Variants in FAM120A observed in about 807,000 individuals in gnomAD.
The protein encoded by FAM120A is family with sequence similarity 120 member A.
FAM120A carries 15 observed loss-of-function variants against 109.7 expected under a neutral mutation model. The ratio of observed to expected loss-of-function variants is 0.14; its 90% CI spans 0.09 to 0.21. The LOEUF is 0.21. Ranked by LOEUF, FAM120A falls within the 10% of genes least tolerant of loss-of-function variation. The probability of loss-of-function intolerance (pLI) is 1.00; values close to 1 mark genes in which losing one functional copy is unlikely to be tolerated. For synonymous variants in FAM120A, 493 were observed against 572.8 expected, an observed-to-expected ratio of 0.86 and a Z score of 1.99; for missense variants, 899 against 1,439.3, an observed-to-expected ratio of 0.62 and a Z score of 6.07.
rs1358219424 is a variant in FAM120A, at chr9:93,451,809, C to T, written c.-107C>T. ...CGCCCCCGACCCGCCCCAGTCCCCC[C>T]TAGAGGCCGCCGCCCCCGCCCGCCA... is the stretch of plus-strand genomic sequence containing the variant. On this transcript the variant is annotated 5_prime_UTR_variant, in exon 1 of 18. Coordinates refer to ENST00000277165, the MANE Select transcript of FAM120A (RefSeq NM_014612.5). 15 of 973,372 alleles carry T rather than the reference C, an allele frequency of 1.5e-5. 1 individual carries two copies. The African/African-American group carries it at 2.5e-4, about 16-fold the overall frequency. The allele number at this position is 973,372 out of a possible 1,614,324, so 60.3% of individuals were successfully genotyped here. A position where few individuals can be genotyped will look rare whatever the true frequency, so the allele number is the denominator to read the frequency against.
intron 7 of FAM120A, among the ~76,000 whole-genome samples, chr9:93,518,351 A>G (rs557444296): frequency 3.5e-4 from 53 of 152,296 alleles, no homozygotes; most frequent in African/African-American, 1.3e-3. Flanking sequence ...AATTGGTTGT[A>G]TCTGCAGTGT....
intron 2 of FAM120A, among the ~76,000 whole-genome samples, chr9:93,474,310 C>T (rs1858451262): frequency 1.3e-5 from 2 of 152,102 alleles, no homozygotes; most frequent in South Asian, 4.2e-4. Flanking sequence ...GCCTCAGCCT[C>T]CCGAGTAGCT....
intron 13 of FAM120A, among the ~76,000 whole-genome samples, chr9:93,557,159 C>T (rs1484988713): frequency 2.7e-5 from 3 of 110,744 alleles, no homozygotes; most frequent in African/African-American, 3.9e-5. Flanking sequence ...GATGGAGTTT[C>T]GCTCTTGTCG....
chr9:93,564,479 C>G lies in FAM120A; in HGVS notation c.3296C>G (p.Thr1099Arg). 3.1e-6 allele frequency: 5 copies of G among 1,614,080 alleles called. No individual in the cohort carries two copies. The highest frequency in any genetic ancestry group is 4.2e-6 in the Non-Finnish European group (5 of 1,179,922). Residue 1099 changes from threonine (T) to arginine (R), a missense_variant, in exon 18 of 18, where the codon ACA (threonine) becomes AGA (arginine). Transcript: ENST00000277165. ...AATCCTCATTTAAATGCACTAAGTA[C>G]AGACAGCGCTTGCCGCAGAGAAGCT... ...NTNPHLNALSTDSACRREAAL... is the reference protein window; with the variant it reads ...NTNPHLNALSRDSACRREAAL...
chr9:93,471,319 T>G lies in FAM120A; in HGVS notation c.653T>G (p.Leu218Arg). ...AAAAGTCTCACCACAAGCCAATATC[T>G]GATGCATGAAGTTGCCAAGCAACTG... is the stretch of plus-strand genomic sequence containing the variant. ...NGKSLTTSQYLMHEVAKQLDL... is the reference protein window; with the variant it reads ...NGKSLTTSQYRMHEVAKQLDL... The change falls in exon 2 of 18, where the codon CTG becomes CGG. Residue 218 changes from leucine to arginine, a missense_variant. Around this residue, in one of 11 missense-constraint regions of FAM120A, gnomAD observed 258 missense variants for 451.4 expected, o/e 0.57. Coordinates refer to ENST00000277165, the MANE Select transcript of FAM120A (RefSeq NM_014612.5). 1 of 1,614,242 alleles carries G rather than the reference T, an allele frequency of 6.2e-7. No homozygotes were observed. Among genetic ancestry groups the G allele is most frequent in the Non-Finnish European group, 8.5e-7 (1 of 1,180,032 alleles).
intron 8 of FAM120A, among the ~76,000 whole-genome samples, chr9:93,528,854 C>T (rs1260598255): frequency 3.3e-5 from 5 of 150,600 alleles, no homozygotes; most frequent in African/African-American, 1.2e-4. Context: ...GGAGTCAGCC[C>T]TGGATTAGAA....
chr9:93,554,122 C>CACACAG (rs1488586221), intron 12 of FAM120A, among the ~76,000 whole-genome samples: 3 of 92,698 alleles, frequency 3.2e-5, no homozygotes, highest in African/African-American at 1.9e-4. Context: ...CCATTTGATA[C>CACACAG]ACACACACAC....
At chr9:93,480,180 C>T (rs1227351585) in intron 3 of FAM120A, among the ~76,000 whole-genome samples, 1 of 152,150 alleles carries the variant, frequency 6.6e-6, no homozygotes, top group South Asian at 2.1e-4. Context: ...CATTGAATTT[C>T]TTAGGTTTAG....
At chr9:93,488,511 T>A (rs901757658) in intron 3 of FAM120A, among the ~76,000 whole-genome samples, 5 of 152,168 alleles carry the variant, frequency 3.3e-5, no homozygotes, top group Non-Finnish European at 7.3e-5. Context: ...CTGGCAGATC[T>A]GTGCTGAAGT....
Position 93,451,720 on chromosome 9 carries a change from A to G in FAM120A, c.-196A>G. ...CAGCGGCGGCAGCGGCGGCGGCGGCAGGTCCCTCCCCAGACATGGCCCTGG... is the reference window on the plus strand; with the variant it reads ...CAGCGGCGGCAGCGGCGGCGGCGGCGGGTCCCTCCCCAGACATGGCCCTGG... On this transcript the variant is annotated 5_prime_UTR_variant, in exon 1 of 18. Coordinates refer to ENST00000277165, the MANE Select transcript of FAM120A (RefSeq NM_014612.5). 1 of 973,170 alleles carries G rather than the reference A, an allele frequency of 1.0e-6. No homozygotes were observed. The highest frequency in any genetic ancestry group is 1.2e-6 in the Non-Finnish European group (1 of 829,288). The allele number at this position is 973,170 out of a possible 1,614,324, so 60.3% of individuals were successfully genotyped here.
At chr9:93,484,821 G>T (rs1051089227) in intron 3 of FAM120A, among the ~76,000 whole-genome samples, 1 of 152,156 alleles carries the variant, frequency 6.6e-6, no homozygotes, top group Non-Finnish European at 1.5e-5. Context: ...TGATCCACCC[G>T]CCTCGGCCTC....
intron 5 of FAM120A, among the ~76,000 whole-genome samples, chr9:93,504,237 G>A (rs1257833379): frequency 6.6e-6 from 1 of 152,160 alleles, no homozygotes; most frequent in Non-Finnish European, 1.5e-5. Flanking sequence ...CACAGAAAGC[G>A]GGGAGAGTGG....
chr9:93,564,120 A>AT, intron 17 of FAM120A, 109 bp from the exon 18 acceptor site: 1 of 1,125,422 alleles, frequency 8.9e-7, no homozygotes, highest in East Asian at 2.4e-5. Context: ...CCAGCTGGGC[A>AT]TTTTCTGCTC....
chr9:93,471,765 G>A (rs985547717), intron 2 of FAM120A, among the ~76,000 whole-genome samples: 14 of 152,122 alleles, frequency 9.2e-5, no homozygotes, highest in African/African-American at 3.4e-4. Flanking sequence ...ATGCTATGGG[G>A]TTAGAATGGT....
intron 8 of FAM120A, among the ~76,000 whole-genome samples, chr9:93,528,941 TGTAGAG>T (rs1172188726): frequency 6.6e-6 from 1 of 152,134 alleles, no homozygotes; most frequent in Non-Finnish European, 1.5e-5. Flanking sequence ...TTCCTGTTTG[TGTAGAG>T]ATCTTAGGCA....
At chr9:93,465,725 G>A (rs1349694118) in intron 1 of FAM120A, among the ~76,000 whole-genome samples, 3 of 152,240 alleles carry the variant, frequency 2.0e-5, no homozygotes, top group East Asian at 1.9e-4. Flanking sequence ...AATACCCTTG[G>A]TAGACTACTG....
At position 93,500,691 on chromosome 9, in the gene FAM120A, C is replaced by T. The variant is rs1279865157; in HGVS notation, c.1030+1805C>T. ...TTAGGATTATTTTTGGAAAAGGGGG[C>T]ACAGAGCATCAGCAGGAGGGAGACT... On this transcript the variant is annotated intron_variant, in intron 5 of 17. Coordinates refer to ENST00000277165, the MANE Select transcript of FAM120A (RefSeq NM_014612.5). This position sits in a 1 kb window ranked among gnomAD's most constrained non-coding sequence, Gnocchi z 4.6. 6.6e-6 allele frequency among the ~76,000 whole-genome samples: 1 copy of T among 152,160 alleles called. No homozygotes were observed. Among genetic ancestry groups the T allele is most frequent in the Admixed American group, 6.5e-5 (1 of 15,280 alleles).
intron 2 of FAM120A, among the ~76,000 whole-genome samples, chr9:93,474,175 TTTGTTG>T (rs532797043): frequency 5.3e-4 from 80 of 152,098 alleles, no homozygotes; most frequent in African/African-American, 1.3e-3. Context: ...CTCCTAAGTT[TTTGTTG>T]TTGTTGTTGT....
Position 93,498,664 on chromosome 9 carries a change from A to G in FAM120A, c.934-126A>G, listed in dbSNP as rs1859677582. 8.4e-6 allele frequency: 6 copies of G among 710,106 alleles called. No homozygotes were observed. The highest frequency in any genetic ancestry group is 3.6e-5 in the African/African-American group (2 of 56,176). The allele number at this position is 710,106 out of a possible 1,614,324, so 44.0% of individuals were successfully genotyped here. On this transcript the variant is annotated intron_variant, in intron 4 of 17. Transcript: ENST00000277165. The surrounding 1 kb of genome is among the most constrained non-coding windows in gnomAD (Gnocchi z 4.4). ...GATTTTCCCTGAAAGTTTTAATGTC[A>G]TTCAAAATTCTTCTCTAACTTGAAA...
Sources: gnomAD v4.1 joint callset for allele counts (sites outside exome capture counted in the v4.1 genomes callset) on GRCh38, gnomAD v4.1.1 for gene constraint, gnomAD v4.1.1 regional missense constraint, Gnocchi (gnomAD v3.1) non-coding constraint, MANE v1.5 for transcripts, NCBI Gene and HGNC (gene_info 2026-07-23, HGNC 2026-07-21) for gene names.